SPATA31H1: variants seen among roughly 807,000 people sequenced by gnomAD.
The protein encoded by SPATA31H1 is SPATA31 subfamily H member 1, also known as spermatogenesis-associated protein 31H1.
chr2:27,576,329 C>A, the SPATA31H1 span: 1,762 of 469,694 alleles, frequency 3.8e-3, 30 homozygotes, highest in African/African-American at 0.031. Flanking sequence ...CAAAGGAGTT[C>A]AACTCTGGCC....
At chr2:27,573,883 A>T in the SPATA31H1 span, 1 of 398,426 alleles carries the variant, frequency 2.5e-6, no homozygotes, top group African/African-American at 2.1e-5. Context: ...AAAAGCAAGA[A>T]ATCATCTGAA....
chr2:27,544,338 C>G, the SPATA31H1 span, among the ~76,000 whole-genome samples: 1 of 151,520 alleles, frequency 6.6e-6, no homozygotes, highest in Non-Finnish European at 1.5e-5. Flanking sequence ...CTGAATAGTT[C>G]CCTCATGTTA....
the SPATA31H1 span, chr2:27,571,930 A>G: frequency 1.5e-5 from 6 of 398,392 alleles, no homozygotes; most frequent in Non-Finnish European, 2.7e-5. Flanking sequence ...GCACCTGTGG[A>G]TTTAACCCTT....
chr2:27,582,027 G>C, the SPATA31H1 span: 1 of 1,612,676 alleles, frequency 6.2e-7, no homozygotes, highest in Non-Finnish European at 8.5e-7. Context: ...CAGTCTCTTG[G>C]AGAGGAGCCA....
chr2:27,551,870 C>G, the SPATA31H1 span, among the ~76,000 whole-genome samples: 2 of 151,930 alleles, frequency 1.3e-5, no homozygotes, highest in African/African-American at 2.4e-5. Flanking sequence ...CTCTGGAGTG[C>G]AGAGGTGCCA....
the SPATA31H1 span, chr2:27,571,241 G>C: frequency 7.5e-6 from 3 of 398,296 alleles, no homozygotes; most frequent in Non-Finnish European, 1.3e-5. Context: ...AGGTAACCCC[G>C]GGCTCAAAGC....
chr2:27,548,589 C>T, the SPATA31H1 span, among the ~76,000 whole-genome samples: 4 of 143,424 alleles, frequency 2.8e-5, no homozygotes, highest in Non-Finnish European at 6.0e-5. Context: ...GCTTGGGTGA[C>T]GGAGCCAGGC....
the SPATA31H1 span, among the ~76,000 whole-genome samples, chr2:27,559,176 G>A: frequency 6.6e-6 from 1 of 152,182 alleles, no homozygotes; most frequent in African/African-American, 2.4e-5. Context: ...TTCCTCCAGA[G>A]AGTAGCGATA....
the SPATA31H1 span, among the ~76,000 whole-genome samples, chr2:27,541,013 G>A: frequency 7.2e-6 from 1 of 138,724 alleles, no homozygotes; most frequent in Non-Finnish European, 1.5e-5. Flanking sequence ...CTGCAATCTC[G>A]GCACTTTGGG....
At chr2:27,571,198 C>T in the SPATA31H1 span, 10 of 398,450 alleles carry the variant, frequency 2.5e-5, no homozygotes, top group Non-Finnish European at 4.0e-5. Flanking sequence ...ACGTTAACCC[C>T]AGAGCCACAG....
At chr2:27,541,575 G>A in the SPATA31H1 span, among the ~76,000 whole-genome samples, 1 of 141,066 alleles carries the variant, frequency 7.1e-6, no homozygotes, top group Non-Finnish European at 1.5e-5. Context: ...TTTTAACCCT[G>A]AATGACTCAC....
At chr2:27,561,457 CTT>C in the SPATA31H1 span, among the ~76,000 whole-genome samples, 4 of 152,196 alleles carry the variant, frequency 2.6e-5, no homozygotes, top group Non-Finnish European at 4.4e-5. Context: ...TCACTTATCT[CTT>C]TTGTGTGTGT....
the SPATA31H1 span, among the ~76,000 whole-genome samples, chr2:27,565,009 A>T: frequency 1.3e-5 from 2 of 152,082 alleles, no homozygotes; most frequent in Admixed American, 6.6e-5. Flanking sequence ...CAATCATGAC[A>T]TGCTGATCTC....
the SPATA31H1 span, chr2:27,577,915 T>G: frequency 1.2e-6 from 2 of 1,614,120 alleles, no homozygotes; most frequent in Middle Eastern, 1.6e-4. The surrounding 1 kb of genome is among the most constrained non-coding windows in gnomAD (Gnocchi z 4.5). Context: ...GAGGTATCAA[T>G]GGGGCTAACA....
At chr2:27,578,614 G>T in the SPATA31H1 span, 1 of 1,613,984 alleles carries the variant, frequency 6.2e-7, no homozygotes, top group Non-Finnish European at 8.5e-7. Context: ...CATAAACAAG[G>T]GCTTCAGGCT....
At chr2:27,566,146 A>T in the SPATA31H1 span, 3 of 717,076 alleles carry the variant, frequency 4.2e-6, no homozygotes, top group Admixed American at 6.0e-5. Context: ...ATTCTGTGAA[A>T]GTTAGACGTA....
the SPATA31H1 span, chr2:27,577,667 T>C: frequency 6.2e-7 from 1 of 1,614,062 alleles, no homozygotes; most frequent in Non-Finnish European, 8.5e-7. This position sits in a 1 kb window ranked among gnomAD's most constrained non-coding sequence, Gnocchi z 4.5. Flanking sequence ...TGGAGTTGAC[T>C]TCTAAGTCAG....
At chr2:27,540,387 G>A in the SPATA31H1 span, among the ~76,000 whole-genome samples, 1 of 127,546 alleles carries the variant, frequency 7.8e-6, no homozygotes, top group Non-Finnish European at 1.7e-5. Context: ...GCGGCTGGCC[G>A]GGCGGGGGGC....
chr2:27,572,255 G>A, the SPATA31H1 span: 1 of 398,388 alleles, frequency 2.5e-6, no homozygotes, highest in Admixed American at 4.4e-5. Context: ...TGAAACCCTT[G>A]GGCTCGACTG....
Sources: gnomAD v4.1 joint callset for allele counts (sites outside exome capture counted in the v4.1 genomes callset) on GRCh38, gnomAD v4.1.1 for gene constraint, Gnocchi (gnomAD v3.1) non-coding constraint, MANE v1.5 for transcripts, NCBI Gene and HGNC (gene_info 2026-07-23, HGNC 2026-07-21) for gene names.